TMEM273: variants seen among roughly 807,000 people sequenced by gnomAD.
The protein encoded by TMEM273 is transmembrane protein 273.
Under a neutral mutation model 17.9 loss-of-function variants are expected in TMEM273, and 19 were observed. The ratio of observed to expected loss-of-function variants is 1.06; its 90% CI spans 0.74 to 1.55. The LOEUF is 1.55. TMEM273 is among the 40% of genes most tolerant of loss of function. The pLI is 0.00. For synonymous variants in TMEM273, 66 were observed against 62.0 expected, an observed-to-expected ratio of 1.07 and a Z score of -0.31; for missense variants, 194 against 155.6, an observed-to-expected ratio of 1.25 and a Z score of -1.31.
chr10:49,180,553 C>T (rs2377951), intron 1 of TMEM273, among the ~76,000 whole-genome samples: 140,489 of 152,212 alleles, frequency 0.92, 65,099 homozygotes, highest in East Asian at 1. Context: ...AAATTGAAGA[C>T]GTCAATAAGA....
chr10:49,170,997 G>T (rs1462691173), intron 1 of TMEM273, among the ~76,000 whole-genome samples: 1 of 152,222 alleles, frequency 6.6e-6, no homozygotes, highest in African/African-American at 2.4e-5. Flanking sequence ...GGTCTCTGGA[G>T]TGCCTCGGCT....
At chr10:49,157,668 T>C (rs1845595469) in intron 6 of TMEM273, among the ~76,000 whole-genome samples, 1 of 152,204 alleles carries the variant, frequency 6.6e-6, no homozygotes, top group African/African-American at 2.4e-5. Context: ...CTCAGTAAAA[T>C]AGGAACTGAT....
chr10:49,167,741 C>T (rs369293846), intron 2 of TMEM273, among the ~76,000 whole-genome samples, 168 bp downstream of exon 2: 9 of 152,292 alleles, frequency 5.9e-5, no homozygotes, highest in South Asian at 2.1e-4. Context: ...GCCTTTCCCC[C>T]GAAATAAAGC....
Position 49,158,014 on chromosome 10 carries a change from C to G in TMEM273, c.373-2105G>C, listed in dbSNP as rs112020285. Among the ~76,000 whole-genome samples the G allele has an allele frequency of 3.2e-3, 482 of 152,222 alleles. 5 individuals carry two copies. Among genetic ancestry groups the G allele is most frequent in the African/African-American group, 0.011 (466 of 41,538 alleles). On this transcript the variant is annotated intron_variant, in intron 6 of 6. Transcript: ENST00000374153. ...AACATAATCCCCCAAAATCAAAATA[C>G]AATCAATGACCAGGTAGGAGACATA...
chr10:49,165,130 T>C, intron 5 of TMEM273, 75 bp downstream of exon 5: 2 of 1,474,362 alleles, frequency 1.4e-6, no homozygotes, highest in East Asian at 4.9e-5. Flanking sequence ...CATCAACTAG[T>C]GCAAAGAATT....
intron 1 of TMEM273, among the ~76,000 whole-genome samples, chr10:49,179,189 A>C (rs1847187384): frequency 6.6e-6 from 1 of 152,226 alleles, no homozygotes; most frequent in South Asian, 2.1e-4. Context: ...TGGTAGATAA[A>C]TGAGGGTCTA....
At chr10:49,158,756 A>T (rs1845666196) in intron 6 of TMEM273, among the ~76,000 whole-genome samples, 1 of 152,220 alleles carries the variant, frequency 6.6e-6, no homozygotes, top group Non-Finnish European at 1.5e-5. Context: ...GGGTGGTTTT[A>T]AAAAATAGTA....
In TMEM273 at chr10:49,155,730, A is replaced by T. The variant is rs1168333701; in HGVS notation, c.*162T>A. The T allele has an allele frequency of 2.1e-6, 2 of 940,980 alleles. No individual in the cohort carries two copies. The allele number at this position is 940,980 out of a possible 1,614,324, so 58.3% of individuals were successfully genotyped here. A position where few individuals can be genotyped will look rare whatever the true frequency, so the allele number is the denominator to read the frequency against. ...TGATATTTTCCTTCAGGACAGAGGC[A>T]CTGTATATTCTATTCCTTCTATTAT... On this transcript the variant is annotated 3_prime_UTR_variant, in exon 7 of 7. Transcript: ENST00000374153.
chr10:49,168,049 C>A, intron 1 of TMEM273, 87 bp from the exon 2 acceptor site: 2 of 1,515,366 alleles, frequency 1.3e-6, no homozygotes, highest in South Asian at 2.3e-5. Context: ...GGAAAGCCTA[C>A]CCCATGTACC....
Position 49,155,771 on chromosome 10 carries a change from A to G in TMEM273, c.*121T>C, listed in dbSNP as rs1845470434. Reference sequence around the variant, plus strand: ...CTTCTATTATTTGCCTCCAATATTCAGTCCATGTGAAAGTTCATTACCAGC... The same window carrying G: ...CTTCTATTATTTGCCTCCAATATTCGGTCCATGTGAAAGTTCATTACCAGC... On this transcript the variant is annotated 3_prime_UTR_variant, in exon 7 of 7. Coordinates refer to ENST00000374153, the MANE Select transcript of TMEM273 (RefSeq NM_001288740.3). 7.2e-7 allele frequency: 1 copy of G among 1,389,440 alleles called. No individual in the cohort carries two copies. Among genetic ancestry groups the G allele is most frequent in the Non-Finnish European group, 1.0e-6 (1 of 985,284 alleles). The allele number at this position is 1,389,440 out of a possible 1,614,324, so 86.1% of individuals were successfully genotyped here.
intron 1 of TMEM273, among the ~76,000 whole-genome samples, chr10:49,186,068 G>GGAAGAAGAAGAAGAGGAAGAAGAAGAA (rs1847669102): frequency 4.3e-4 from 29 of 67,186 alleles, no homozygotes; most frequent in African/African-American, 1.4e-3. Flanking sequence ...AAGAAGAAGA[G>GGAAGAAGAAGAAGAGGAAGAAGAAGAA]GAAGAAGAAG....
intron 1 of TMEM273, among the ~76,000 whole-genome samples, chr10:49,187,783 T>C (rs540632734): frequency 1.3e-5 from 2 of 152,362 alleles, no homozygotes; most frequent in African/African-American, 4.8e-5. Context: ...AAAACAAAGA[T>C]ACCTCTGAGT....
chr10:49,167,816 C>T (rs960524603), intron 2 of TMEM273, 93 bp downstream of exon 2: 1 of 1,518,804 alleles, frequency 6.6e-7, no homozygotes, highest in African/African-American at 1.4e-5. Flanking sequence ...AGCAGGGAAC[C>T]AATTCCAGCA....
intron 1 of TMEM273, among the ~76,000 whole-genome samples, chr10:49,172,687 G>A (rs189670885): frequency 7.9e-5 from 12 of 152,294 alleles, no homozygotes; most frequent in East Asian, 5.8e-4. Flanking sequence ...GACACAGCAC[G>A]GCTCCCAGCT....
Position 49,158,687 on chromosome 10 carries a change from C to A in TMEM273, c.373-2778G>T, listed in dbSNP as rs563484519. Among the ~76,000 whole-genome samples, 9 of 152,252 alleles carry A rather than the reference C, an allele frequency of 5.9e-5. No homozygotes were observed. In the South Asian group the frequency reaches 1.9e-3, roughly 32 times the overall value. On this transcript the variant is annotated intron_variant, in intron 6 of 6. Transcript: ENST00000374153. ...ATGGAGAATAAAGCCTAGAAATACC[C>A]TAGTACGCACAGAAATTTAGAACAT... is the stretch of plus-strand genomic sequence containing the variant.
chr10:49,186,105 G>GAAAAAGGAGAAGAAT (rs758233796), intron 1 of TMEM273, among the ~76,000 whole-genome samples: 1 of 146,336 alleles, frequency 6.8e-6, no homozygotes, highest in Admixed American at 6.7e-5. Flanking sequence ...AGAAGAAGAA[G>GAAAAAGGAGAAGAAT]AAGAGGAAGA....
chr10:49,183,573 CCTGA>C (rs1847484641), intron 1 of TMEM273, among the ~76,000 whole-genome samples: 1 of 151,938 alleles, frequency 6.6e-6, no homozygotes, highest in Non-Finnish European at 1.5e-5. Flanking sequence ...CCTTTCTATT[CCTGA>C]CTAAGAAGCA....
At chr10:49,159,451 A>G (rs1233576082) in intron 6 of TMEM273, among the ~76,000 whole-genome samples, 1 of 152,240 alleles carries the variant, frequency 6.6e-6, no homozygotes, top group African/African-American at 2.4e-5. Context: ...ATTATAGAAT[A>G]GAGAAAATGA....
chr10:49,187,358 C>T (rs1320748808), intron 1 of TMEM273, among the ~76,000 whole-genome samples: 1 of 152,224 alleles, frequency 6.6e-6, no homozygotes, highest in Non-Finnish European at 1.5e-5. Context: ...TAGATGGAAA[C>T]CTGCCCACAG....
Sources: gnomAD v4.1 joint callset for allele counts (sites outside exome capture counted in the v4.1 genomes callset) on GRCh38, gnomAD v4.1.1 for gene constraint, MANE v1.5 for transcripts, NCBI Gene and HGNC (gene_info 2026-07-23, HGNC 2026-07-21) for gene names.